Variants in PLCZ1 observed in about 807,000 individuals in gnomAD.
PLCZ1 encodes the protein phospholipase C zeta 1, also known as 1-phosphatidylinositol 4,5-bisphosphate phosphodiesterase zeta-1.
PLCZ1 carries 64 observed loss-of-function variants against 76.8 expected under a neutral mutation model. The observed-to-expected ratio is 0.83, with a 90% CI of 0.68 to 1.03. The LOEUF is 1.03. PLCZ1 is among the 50% of genes least tolerant of loss of function. The pLI, the probability that PLCZ1 is intolerant of heterozygous loss-of-function variation, is 0.00. For missense variants in PLCZ1, 751 were observed against 713.7 expected, an observed-to-expected ratio of 1.05 and a Z score of -0.60; for synonymous variants, 248 against 230.8, an observed-to-expected ratio of 1.07 and a Z score of -0.68.
the PLCZ1 span, among the ~76,000 whole-genome samples, chr12:18,666,998 C>G: frequency 6.6e-6 from 1 of 152,134 alleles, no homozygotes; most frequent in African/African-American, 2.4e-5. Flanking sequence ...TGGCCTAGAA[C>G]TAAAAATACC....
chr12:18,727,401 T>A (rs565116721), intron 3 of PLCZ1, among the ~76,000 whole-genome samples: 1 of 152,140 alleles, frequency 6.6e-6, no homozygotes, highest in South Asian at 2.1e-4. Flanking sequence ...ATAGACACAA[T>A]AAGGAAAGTT....
chr12:18,663,472 T>A, the PLCZ1 span, among the ~76,000 whole-genome samples: 1 of 152,096 alleles, frequency 6.6e-6, no homozygotes, highest in South Asian at 2.1e-4. Flanking sequence ...TATGCATAGG[T>A]TATATGCAAA....
At chr12:18,662,112 C>A in the PLCZ1 span, among the ~76,000 whole-genome samples, 5 of 151,976 alleles carry the variant, frequency 3.3e-5, no homozygotes, top group African/African-American at 1.2e-4. Context: ...ACAATAGACA[C>A]TGGGACTACT....
At chr12:18,723,174 A>G in intron 4 of PLCZ1, 137 bp downstream of exon 4, 1 of 707,474 alleles carries the variant, frequency 1.4e-6, no homozygotes. Context: ...TATTTTCTCA[A>G]AGATATTTGA....
chr12:18,736,192 G>A lies in PLCZ1; in HGVS notation c.135+29C>T, dbSNP rs71463003. 8.3e-3 allele frequency: 13,328 copies of A among 1,607,880 alleles called. 72 individuals are homozygous for A. The highest frequency in any genetic ancestry group is 0.012 in the South Asian group (1,057 of 90,824). ...ATTGGATTAAGTTCCACCTAGGATA[G>A]GATAGGCAGGGGGTGGATGTCATCT... On this transcript the variant is annotated intron_variant, in intron 3 of 14. Transcript: ENST00000266505.
chr12:18,725,685 C>T (rs1271592549), intron 3 of PLCZ1, among the ~76,000 whole-genome samples: 1 of 152,108 alleles, frequency 6.6e-6, no homozygotes, highest in African/African-American at 2.4e-5. Context: ...TATCTTTTTC[C>T]TCCTTCCACC....
intron 13 of PLCZ1, 109 bp downstream of exon 13, chr12:18,687,980 C>A: frequency 6.9e-7 from 1 of 1,446,124 alleles, no homozygotes; most frequent in South Asian, 1.2e-5. Context: ...AATGGAAAAC[C>A]CTTGTCTTAT....
intron 3 of PLCZ1, among the ~76,000 whole-genome samples, chr12:18,727,065 G>T (rs1209498817): frequency 6.6e-6 from 1 of 152,094 alleles, no homozygotes; most frequent in African/African-American, 2.4e-5. Flanking sequence ...AATCTTTGTA[G>T]CTGAGCACAA....
chr12:18,693,603 A>G, intron 12 of PLCZ1: 1 of 1,576,704 alleles, frequency 6.3e-7, no homozygotes, highest in Non-Finnish European at 8.7e-7. Flanking sequence ...GTTGCTGAAG[A>G]ACGTGCACCG....
chr12:18,661,804 A>T, the PLCZ1 span, among the ~76,000 whole-genome samples: 1 of 152,128 alleles, frequency 6.6e-6, no homozygotes, highest in South Asian at 2.1e-4. Context: ...ACCCAAAGGA[A>T]TATAAATTGT....
intron 3 of PLCZ1, among the ~76,000 whole-genome samples, chr12:18,734,988 CT>C (rs1315014151): frequency 2.0e-4 from 30 of 152,034 alleles, no homozygotes; most frequent in African/African-American, 7.0e-4. Context: ...TTGTCACATG[CT>C]TTTTCTATAT....
chr12:18,714,207 G>T (rs551509014), intron 5 of PLCZ1, among the ~76,000 whole-genome samples: 1 of 152,226 alleles, frequency 6.6e-6, no homozygotes, highest in East Asian at 1.9e-4. Flanking sequence ...ATAGCGTTAA[G>T]ATAATTCTTT....
chr12:18,648,085 G>T, the PLCZ1 span: 5 of 1,088,074 alleles, frequency 4.6e-6, no homozygotes, highest in East Asian at 1.1e-4. Context: ...TTCACTTCTG[G>T]GCCTCTGAAT....
the PLCZ1 span, among the ~76,000 whole-genome samples, chr12:18,672,946 G>C: frequency 6.6e-6 from 1 of 152,168 alleles, no homozygotes; most frequent in African/African-American, 2.4e-5. Context: ...ACCAAGAACA[G>C]CTTTCAGGAA....
intron 7 of PLCZ1, among the ~76,000 whole-genome samples, chr12:18,703,575 C>G (rs1487857841): frequency 6.6e-6 from 1 of 152,136 alleles, no homozygotes; most frequent in Non-Finnish European, 1.5e-5. Context: ...GATAGAGAAC[C>G]TTGTGATTAC....
the PLCZ1 span, among the ~76,000 whole-genome samples, chr12:18,647,400 T>C: frequency 6.6e-6 from 1 of 150,944 alleles, no homozygotes; most frequent in Non-Finnish European, 1.5e-5. Context: ...CACAGCATCA[T>C]GCAATATACC....
chr12:18,705,050 G>T, intron 7 of PLCZ1, 116 bp downstream of exon 7: 1 of 1,280,854 alleles, frequency 7.8e-7, no homozygotes, highest in Non-Finnish European at 1.1e-6. Flanking sequence ...ACCTCTATAC[G>T]TGATCAAAAC....
chr12:18,736,754 G>C lies in PLCZ1; in HGVS notation c.12-410C>G, dbSNP rs1014623736. ...TGAGCAAATTAACCCTGAATCTTAAGGAAAGTGGAAGCATTAGATGAATTC... is the reference window on the plus strand; with the variant it reads ...TGAGCAAATTAACCCTGAATCTTAACGAAAGTGGAAGCATTAGATGAATTC... On this transcript the variant is annotated intron_variant, in intron 2 of 14. Transcript: ENST00000266505. 4.6e-5 allele frequency: 50 copies of C among 1,093,490 alleles called. No homozygotes were observed. In the African/African-American group the frequency reaches 7.9e-4, roughly 17 times the overall value. 67.7% of individuals were successfully genotyped at this position (1,093,490 alleles called of 1,614,324 possible).
intron 12 of PLCZ1, chr12:18,693,328 A>G: frequency 1.3e-6 from 2 of 1,553,466 alleles, no homozygotes; most frequent in Non-Finnish European, 1.8e-6. Flanking sequence ...CAAGAGACCT[A>G]TGCAGATACT....
Sources: gnomAD v4.1 joint callset for allele counts (sites outside exome capture counted in the v4.1 genomes callset) on GRCh38, gnomAD v4.1.1 for gene constraint, MANE v1.5 for transcripts, NCBI Gene and HGNC (gene_info 2026-07-23, HGNC 2026-07-21) for gene names.